VPS13D: variants seen among roughly 807,000 people sequenced by gnomAD.
The protein encoded by VPS13D is vacuolar protein sorting 13 homolog D.
VPS13D carries 187 observed loss-of-function variants against 461.9 expected under a neutral mutation model. That is an observed-to-expected ratio of 0.40 (90% CI 0.36 to 0.46). The LOEUF is 0.46. Among genes scored for constraint, VPS13D ranks in the 20% least tolerant of loss-of-function variants. VPS13D has a pLI of 0.60. For missense variants in VPS13D, 4,711 were observed against 5,364.9 expected (o/e 0.88, Z 3.81); for synonymous variants, 1,951 against 1,986.3 (o/e 0.98, Z 0.47).
intron 46 of VPS13D, among the ~76,000 whole-genome samples, chr1:12,351,727 G>T (rs1643800487): frequency 6.6e-6 from 1 of 151,634 alleles, no homozygotes; most frequent in Admixed American, 6.6e-5. Context: ...GAGTAGCTGG[G>T]ATTACAGGCA....
In VPS13D at chr1:12,276,076, C is replaced by G. The variant is rs1375929155; in HGVS notation, c.2488C>G (p.Arg830Gly). 1.2e-6 allele frequency: 2 copies of G among 1,614,008 alleles called. No individual in the cohort carries two copies. The highest frequency in any genetic ancestry group is 1.1e-5 in the South Asian group (1 of 91,076). Residue 830 changes from arginine to glycine, a missense_variant, in exon 19 of 70, where the codon CGA becomes GGA. Physicochemically the swap from Arg to Gly is moderately radical, Grantham distance 125. Around this residue, in one of 3 missense-constraint regions of VPS13D, gnomAD observed 4,411 missense variants for 4,937.8 expected, o/e 0.89. Coordinates refer to ENST00000620676, the MANE Select transcript of VPS13D (RefSeq NM_015378.4). This position sits in a 1 kb window ranked among gnomAD's most constrained non-coding sequence, Gnocchi z 4.5. ...TATGGACCTCCAGATCATGGTTGGA[C>G]GAGTGAAAGACAATTGGAAGCATGT... ...SFMDLQIMVG[R>G]VKDNWKHVQD...
intron 67 of VPS13D, among the ~76,000 whole-genome samples, chr1:12,470,168 G>C (rs1409114571): frequency 6.6e-6 from 1 of 152,182 alleles, no homozygotes; most frequent in East Asian, 1.9e-4. Flanking sequence ...TAAAATCCCA[G>C]GGACTGCAGG....
chr1:12,323,269 T>C (rs1643087398), intron 34 of VPS13D, among the ~76,000 whole-genome samples: 1 of 151,018 alleles, frequency 6.6e-6, no homozygotes, highest in African/African-American at 2.4e-5. Flanking sequence ...AGAGACGGGG[T>C]CTTGCTATTT....
chr1:12,414,207 C>G (rs1442192525), intron 63 of VPS13D, among the ~76,000 whole-genome samples: 1 of 151,802 alleles, frequency 6.6e-6, no homozygotes, highest in African/African-American at 2.4e-5. Context: ...TCGCGTGAGC[C>G]CAGGAGGTCA....
intron 26 of VPS13D, among the ~76,000 whole-genome samples, chr1:12,306,140 C>T (rs552640693): frequency 5.3e-4 from 80 of 152,088 alleles, no homozygotes; most frequent in Middle Eastern, 3.4e-3. Flanking sequence ...CCCGCCACCA[C>T]GCCTGGCTAA....
intron 54 of VPS13D, among the ~76,000 whole-genome samples, chr1:12,371,836 G>A (rs1276654319): frequency 6.6e-6 from 1 of 152,120 alleles, no homozygotes; most frequent in Non-Finnish European, 1.5e-5. Context: ...CTATGAACAT[G>A]CCTGTACATA....
In VPS13D at chr1:12,416,922, A is replaced by T. The variant is rs568159308; in HGVS notation, c.12333+95A>T. ...TATAGTTAATGGGCTGTGAAAAGTT[A>T]TATTCATGGCTTTTGCTTCATTGCC... is the stretch of plus-strand genomic sequence containing the variant. On this transcript the variant is annotated intron_variant, in intron 65 of 69. Transcript: ENST00000620676. 568 of 1,353,708 alleles carry T rather than the reference A, an allele frequency of 4.2e-4. 12 individuals carry two copies. In the South Asian group the frequency reaches 8.8e-3, roughly 21 times the overall value. 83.9% of individuals were successfully genotyped at this position (1,353,708 alleles called of 1,614,324 possible).
intron 69 of VPS13D, among the ~76,000 whole-genome samples, chr1:12,508,308 C>T (rs769379585): frequency 1.3e-5 from 2 of 152,146 alleles, no homozygotes; most frequent in African/African-American, 4.8e-5. Context: ...ATGTGAATCC[C>T]CCATTCTTGC....
chr1:12,289,315 T>TCAAA (rs768979969), intron 22 of VPS13D, among the ~76,000 whole-genome samples: 2 of 152,146 alleles, frequency 1.3e-5, no homozygotes, highest in Non-Finnish European at 2.9e-5. Context: ...ACTCCTGGAC[T>TCAAA]CAAACCATCC....
chr1:12,400,451 C>T (rs1357578418), intron 61 of VPS13D, 121 bp downstream of exon 61: 1 of 1,174,448 alleles, frequency 8.5e-7, no homozygotes, highest in Non-Finnish European at 1.2e-6. Context: ...CAGGGTTAAA[C>T]CACATGTGAC....
intron 60 of VPS13D, among the ~76,000 whole-genome samples, chr1:12,398,579 A>G (rs1239275462): frequency 1.3e-5 from 2 of 152,130 alleles, no homozygotes; most frequent in Admixed American, 1.3e-4. Flanking sequence ...CCTGGTGGTG[A>G]ACTTCGATGT....
intron 5 of VPS13D, among the ~76,000 whole-genome samples, chr1:12,248,421 C>T (rs1254597727): frequency 6.6e-6 from 1 of 152,032 alleles, no homozygotes; most frequent in Non-Finnish European, 1.5e-5. Context: ...TACCTTACTG[C>T]AGCCTCCATC....
chr1:12,477,830 T>TA (rs1041830180), intron 67 of VPS13D, among the ~76,000 whole-genome samples: 1 of 152,158 alleles, frequency 6.6e-6, no homozygotes, highest in Non-Finnish European at 1.5e-5. Flanking sequence ...GACCAGCTAG[T>TA]AACCAGGGTT....
rs1450491042 is a variant in VPS13D, at chr1:12,267,095, C to G, written c.1725+84C>G. ...TTAGGCAAATGATAACTGATTCATT[C>G]TGACATTTGATCATCTTGAGACTGA... is the stretch of plus-strand genomic sequence containing the variant. On this transcript the variant is annotated intron_variant, in intron 14 of 69. Transcript: ENST00000620676. The G allele has an allele frequency of 2.9e-6, 4 of 1,359,062 alleles. No individual in the cohort carries two copies. The South Asian group carries it at 7.3e-5, about 25-fold the overall frequency. The allele number at this position is 1,359,062 out of a possible 1,614,324, so 84.2% of individuals were successfully genotyped here.
chr1:12,236,964 T>C (rs1335159135), intron 2 of VPS13D, among the ~76,000 whole-genome samples: 3 of 152,154 alleles, frequency 2.0e-5, no homozygotes, highest in East Asian at 1.9e-4. Flanking sequence ...TGGCATATTG[T>C]AGGCTCTCAG....
chr1:12,478,648 C>G (rs550875626), intron 67 of VPS13D: 7 of 366,944 alleles, frequency 1.9e-5, no homozygotes, highest in African/African-American at 1.5e-4. Flanking sequence ...AACAGCTTTT[C>G]AGGACTGGGG....
At chr1:12,476,927 A>G (rs376134229) in intron 67 of VPS13D, among the ~76,000 whole-genome samples, 1 of 152,248 alleles carries the variant, frequency 6.6e-6, no homozygotes, top group Admixed American at 6.5e-5. Flanking sequence ...GTTTCTGTTC[A>G]GAAATACATA....
chr1:12,500,176 T>C (rs1646017343), intron 68 of VPS13D: 14 of 984,546 alleles, frequency 1.4e-5, no homozygotes, highest in Non-Finnish European at 1.4e-5. Flanking sequence ...TTTAATTTTG[T>C]CATTCTATTT....
rs189881880 is a variant in VPS13D at position 12,278,495 on chromosome 1, G to A, written c.4450+457G>A. Among the ~76,000 whole-genome samples the A allele has an allele frequency of 4.6e-5, 7 of 152,184 alleles. No homozygotes were observed. In the East Asian group the frequency reaches 1.2e-3, roughly 25 times the overall value. On this transcript the variant is annotated intron_variant, in intron 19 of 69. Coordinates refer to ENST00000620676, the MANE Select transcript of VPS13D (RefSeq NM_015378.4). ...TCACCATGTTGGCCAGGCTGGTCTC[G>A]AACTCGTGACCTCAGGTGATCTGCC...
Sources: gnomAD v4.1 joint callset for allele counts (sites outside exome capture counted in the v4.1 genomes callset) on GRCh38, gnomAD v4.1.1 for gene constraint, gnomAD v4.1.1 regional missense constraint, Gnocchi (gnomAD v3.1) non-coding constraint, MANE v1.5 for transcripts, NCBI Gene and HGNC (gene_info 2026-07-23, HGNC 2026-07-21) for gene names.